Variants in KYAT3 observed in about 807,000 individuals in gnomAD.
The protein encoded by KYAT3 is kynurenine--oxoglutarate transaminase 3.
Under a neutral mutation model 59.0 loss-of-function variants are expected in KYAT3, and 50 were observed. That is an observed-to-expected ratio of 0.85 (90% confidence interval 0.68 to 1.07). The LOEUF (loss-of-function observed/expected upper bound fraction) is 1.07, where lower values mean the gene tolerates loss of function less well. KYAT3 is among the 50% of genes least tolerant of loss of function. KYAT3 has a pLI of 0.00. For synonymous variants in KYAT3, 148 were observed against 177.0 expected (o/e 0.84, Z 1.30); for missense variants, 497 against 533.3 (o/e 0.93, Z 0.67).
At chr1:88,938,046 A>T (rs60436973) in intron 13 of KYAT3, among the ~76,000 whole-genome samples, 8 of 152,032 alleles carry the variant, frequency 5.3e-5, no homozygotes, top group Non-Finnish European at 1.2e-4. Flanking sequence ...TATCAAGGTT[A>T]ACTTCATGAT....
At chr1:88,988,396 G>A (rs772712155) in intron 1 of KYAT3, 45 bp from the exon 2 acceptor site, 1 of 1,128,848 alleles carries the variant, frequency 8.9e-7, no homozygotes, top group Non-Finnish European at 1.3e-6. Flanking sequence ...AATATATGAT[G>A]GGTACATCAC....
At chr1:88,934,989 A>ATTT (rs59691903), downstream of KYAT3, among the ~76,000 whole-genome samples, 129 of 110,034 alleles carry the variant, frequency 1.2e-3, 1 homozygote, top group East Asian at 1.9e-3. Context: ...TAAAGAAGTG[A>ATTT]TTTTTTTTTT....
chr1:88,937,814 T>TC (rs1675096378), intron 13 of KYAT3, among the ~76,000 whole-genome samples: 1 of 152,208 alleles, frequency 6.6e-6, no homozygotes, highest in Non-Finnish European at 1.5e-5. Flanking sequence ...TGAGGAAACA[T>TC]CAAACTTAAA....
chr1:88,955,288 A>G, intron 8 of KYAT3, 63 bp from the exon 9 acceptor site: 2 of 946,092 alleles, frequency 2.1e-6, no homozygotes, highest in Non-Finnish European at 3.4e-6. Flanking sequence ...AGTATAATCT[A>G]AAAACATAAC....
intron 2 of KYAT3, chr1:88,984,203 GCT>G: frequency 1.0e-5 from 1 of 98,280 alleles, no homozygotes; most frequent in South Asian, 2.6e-4. Context: ...TTTTTTTGTT[GCT>G]TTTTTTTTTT....
At chr1:88,982,223 G>A (rs1677126066) in intron 2 of KYAT3, 1 of 738,580 alleles carries the variant, frequency 1.4e-6, no homozygotes, top group Admixed American at 5.4e-5. Context: ...AATCTTATGA[G>A]TAGCATACTC....
intron 2 of KYAT3, among the ~76,000 whole-genome samples, chr1:88,974,692 G>A (rs922802222): frequency 1.1e-3 from 174 of 151,936 alleles, no homozygotes; most frequent in African/African-American, 1.7e-3. Flanking sequence ...ACCAATCAGC[G>A]CTCTGTGTCT....
chr1:88,979,283 A>G (rs535757043), intron 2 of KYAT3, among the ~76,000 whole-genome samples: 2 of 152,222 alleles, frequency 1.3e-5, no homozygotes, highest in African/African-American at 4.8e-5. Context: ...CACATCTCCC[A>G]CCTTCATGGC....
Position 88,943,381 on chromosome 1 carries a change from T to C in KYAT3, c.1184A>G (p.Tyr395Cys), listed in dbSNP as rs765905338. The C allele has an allele frequency of 1.3e-6, 2 of 1,584,196 alleles. No homozygotes were observed. Among genetic ancestry groups the C allele is most frequent in the African/African-American group, 1.4e-5 (1 of 73,828 alleles). ...TTTAGTCATCCATTTCACAAACTTATAGTCATAAGGCTCATTATTCTTCAT... is the reference window on the plus strand; with the variant it reads ...TTTAGTCATCCATTTCACAAACTTACAGTCATAAGGCTCATTATTCTTCAT... ...SDMKNNEPYD[Y>C]KFVKWMTKHK... Residue 395 changes from tyrosine (Y) to cysteine (C), a missense_variant, in exon 12 of 14, where the codon TAT (tyrosine) becomes TGT (cysteine). This residue lies in a region of KYAT3 where 469 missense variants were observed against 479.1 expected (regional missense o/e 0.98). Coordinates refer to ENST00000260508, the MANE Select transcript of KYAT3 (RefSeq NM_001008661.3).
At position 88,936,171 on chromosome 1, in the gene KYAT3, A is replaced by C. The variant is rs368686806; in HGVS notation, c.*12T>G. 3 of 1,592,880 alleles carry C rather than the reference A, an allele frequency of 1.9e-6. No individual in the cohort carries two copies. In the South Asian group the frequency reaches 3.3e-5, roughly 18 times the overall value. ...GGTCATCTAACAGAAACATTAATCCATTCTGCACAAATCAAGACTTCTGTA... is the reference window on the plus strand; with the variant it reads ...GGTCATCTAACAGAAACATTAATCCCTTCTGCACAAATCAAGACTTCTGTA... On this transcript the variant is annotated 3_prime_UTR_variant, in exon 14 of 14. Transcript: ENST00000260508.
At position 88,988,337 on chromosome 1, in the gene KYAT3, T is replaced by C; in HGVS notation, c.14A>G (p.Gln5Arg). Residue 5 changes from glutamine to arginine, a missense_variant, in exon 2 of 14, where the codon CAG becomes CGG. Coordinates refer to ENST00000260508, the MANE Select transcript of KYAT3 (RefSeq NM_001008661.3). MFLA[Q>R]RSLCSLSGRA... Reference sequence around the variant, plus strand: ...ACCGCTAAGAGAGCAGAGGCTCCTCTGGGCCAAAAACATGCTATTAAATAA... The same window carrying C: ...ACCGCTAAGAGAGCAGAGGCTCCTCCGGGCCAAAAACATGCTATTAAATAA... 1 of 1,611,858 alleles carries C rather than the reference T, an allele frequency of 6.2e-7. No homozygotes were observed. The highest frequency in any genetic ancestry group is 1.1e-5 in the South Asian group (1 of 90,700).
At chr1:88,925,682 A>AAGAGAGAGAG in the KYAT3 span, among the ~76,000 whole-genome samples, 5 of 147,990 alleles carry the variant, frequency 3.4e-5, no homozygotes, top group African/African-American at 1.0e-4. Context: ...AGAGAGATGG[A>AAGAGAGAGAG]AGAGAGAGAG....
chr1:88,935,110 C>T (rs1557676354), downstream of KYAT3, among the ~76,000 whole-genome samples: 1 of 150,434 alleles, frequency 6.6e-6, no homozygotes, highest in Admixed American at 6.7e-5. Flanking sequence ...TCTCCTGCCT[C>T]AGCCTCCCAA....
At chr1:88,976,926 G>A (rs1158060293) in intron 2 of KYAT3, among the ~76,000 whole-genome samples, 1 of 152,216 alleles carries the variant, frequency 6.6e-6, no homozygotes, top group African/African-American at 2.4e-5. Flanking sequence ...TTATAGAAGA[G>A]TCAAAGATTA....
intron 8 of KYAT3, among the ~76,000 whole-genome samples, chr1:88,959,783 TCAAA>T (rs1676071648): frequency 6.6e-6 from 1 of 151,694 alleles, no homozygotes; most frequent in South Asian, 2.1e-4. Flanking sequence ...TTTATTCCCC[TCAAA>T]CAGTCGCTTT....
intron 2 of KYAT3, among the ~76,000 whole-genome samples, chr1:88,975,921 G>T (rs1676769520): frequency 6.6e-6 from 1 of 152,152 alleles, no homozygotes; most frequent in Non-Finnish European, 1.5e-5. Flanking sequence ...TGTAGTCCCA[G>T]CTACTCAGGA....
downstream of KYAT3, among the ~76,000 whole-genome samples, chr1:88,930,805 G>T (rs1674891390): frequency 6.6e-6 from 1 of 152,092 alleles, no homozygotes; most frequent in Admixed American, 6.6e-5. Context: ...GATTATTATT[G>T]GCTATAAAGA....
chr1:88,936,930 G>A (rs987408514), intron 13 of KYAT3, among the ~76,000 whole-genome samples: 2 of 152,208 alleles, frequency 1.3e-5, no homozygotes, highest in African/African-American at 4.8e-5. Context: ...CCATGTATAG[G>A]GCTGGGAGAG....
intron 1 of KYAT3, among the ~76,000 whole-genome samples, chr1:88,989,825 T>C (rs1239247545): frequency 6.6e-6 from 1 of 152,158 alleles, no homozygotes; most frequent in East Asian, 1.9e-4. Flanking sequence ...CTCTCTCCTA[T>C]CTGTCTTCTA....
Sources: allele counts gnomAD v4.1 joint callset (sites outside exome capture counted in the v4.1 genomes callset), GRCh38; gene constraint gnomAD v4.1.1; regional missense constraint gnomAD v4.1.1; transcripts MANE v1.5; gene names NCBI Gene and HGNC (gene_info 2026-07-23, HGNC 2026-07-21).